Variants in PRDM1 observed in about 807,000 individuals in gnomAD.
PRDM1 encodes PR/SET domain 1.
PRDM1 carries 13 observed loss-of-function variants against 62.8 expected under a neutral mutation model. That is an observed-to-expected ratio of 0.21 (90% CI 0.13 to 0.33). The LOEUF (loss-of-function observed/expected upper bound fraction) is 0.33, where lower values mean the gene tolerates loss of function less well. PRDM1 is among the 10% of genes least tolerant of loss of function. PRDM1 has a pLI of 1.00. For missense variants in PRDM1, 895 were observed against 1,058.8 expected, an observed-to-expected ratio of 0.85 and a Z score of 2.15; for synonymous variants, 396 against 417.6, an observed-to-expected ratio of 0.95 and a Z score of 0.63.
chr6:106,031,701 G>A (rs1772846436), intron 1 of PRDM1, among the ~76,000 whole-genome samples: 1 of 152,210 alleles, frequency 6.6e-6, no homozygotes, highest in Non-Finnish European at 1.5e-5. Flanking sequence ...TTTTATCTGA[G>A]GCTTGGGCTA....
At chr6:106,080,404 CG>C (rs1049334862) in intron 1 of PRDM1, among the ~76,000 whole-genome samples, 3 of 152,188 alleles carry the variant, frequency 2.0e-5, no homozygotes, top group African/African-American at 7.2e-5. Flanking sequence ...TTCTGTTCCA[CG>C]CCCCCCACCG....
intron 1 of PRDM1, among the ~76,000 whole-genome samples, chr6:105,999,863 T>C (rs1034366788): frequency 1.3e-5 from 2 of 150,944 alleles, no homozygotes; most frequent in African/African-American, 2.4e-5. Flanking sequence ...TATGTGTTTC[T>C]TTTTTTTTGA....
intron 1 of PRDM1, among the ~76,000 whole-genome samples, chr6:106,014,058 A>ATTTTTTTTTTTTTTTTTTTTT (rs71006664): frequency 9.5e-6 from 1 of 105,102 alleles, no homozygotes; most frequent in Admixed American, 1.2e-4. Context: ...AGGACAAGGA[A>ATTTTTTTTTTTTTTTTTTTTT]TTTTTTTTTT....
chr6:106,007,781 CTTCT>C (rs1772500602), intron 1 of PRDM1, among the ~76,000 whole-genome samples: 1 of 152,098 alleles, frequency 6.6e-6, no homozygotes, highest in Non-Finnish European at 1.5e-5. Flanking sequence ...CACTGGTAGC[CTTCT>C]TTCTGTTTTC....
At chr6:106,006,145 C>T (rs902185197) in intron 1 of PRDM1, among the ~76,000 whole-genome samples, 4 of 152,166 alleles carry the variant, frequency 2.6e-5, no homozygotes, top group Non-Finnish European at 5.9e-5. Context: ...CTGGGGACAG[C>T]AGGAACTTGT....
At chr6:105,998,925 ATATATATATTTTTTTTTT>A (rs1392564679) in intron 1 of PRDM1, among the ~76,000 whole-genome samples, 3 of 2,018 alleles carry the variant, frequency 1.5e-3, no homozygotes, top group African/African-American at 7.2e-3. Context: ...ATATATATAT[ATATATATATTTTTTTTTT>A]TTTTTTTCTT....
chr6:106,089,730 C>G (rs955207542), intron 2 of PRDM1, among the ~76,000 whole-genome samples: 1 of 152,194 alleles, frequency 6.6e-6, no homozygotes, highest in Admixed American at 6.5e-5. Context: ...TAATGCTCTT[C>G]TTATAGAAAG....
upstream of PRDM1, among the ~76,000 whole-genome samples, chr6:106,085,812 G>A (rs1773786286): frequency 7.6e-6 from 1 of 131,592 alleles, no homozygotes; most frequent in Admixed American, 9.3e-5. Flanking sequence ...GTTCTGCCAA[G>A]TTTGAACGTT....
intron 1 of PRDM1, among the ~76,000 whole-genome samples, chr6:106,035,526 G>A (rs997087612): frequency 1.3e-5 from 2 of 152,162 alleles, no homozygotes; most frequent in African/African-American, 2.4e-5. Flanking sequence ...CTACTCAAGA[G>A]GCTGAGGTGG....
rs112078289 is a variant in PRDM1, at chr6:106,026,837, C to G, written c.-67+33198C>G. 4.6e-3 allele frequency among the ~76,000 whole-genome samples: 705 copies of G among 152,348 alleles called. 1 individual carries two copies. The highest frequency in any genetic ancestry group is 8.5e-3 in the Non-Finnish European group (580 of 68,036). On this transcript the variant is annotated intron_variant, in intron 1 of 6. Coordinates refer to the PRDM1 transcript ENST00000652320. ...TGGATGAGAAGAAGCAAGCAAAAAT[C>G]TCTCCAGCTGTGGGAGAACATGGAC...
intron 1 of PRDM1, among the ~76,000 whole-genome samples, chr6:106,062,569 C>T (rs990808458): frequency 6.6e-6 from 1 of 152,188 alleles, no homozygotes; most frequent in African/African-American, 2.4e-5. Flanking sequence ...CTGGCCCTTT[C>T]TAAGAGTGAA....
chr6:106,075,368 T>G (rs915729569), intron 1 of PRDM1, among the ~76,000 whole-genome samples: 1 of 152,208 alleles, frequency 6.6e-6, no homozygotes, highest in African/African-American at 2.4e-5. Context: ...TAGTTCTGAT[T>G]CTTAACTAAT....
intron 1 of PRDM1, among the ~76,000 whole-genome samples, chr6:106,022,170 T>G (rs964207178): frequency 6.6e-6 from 1 of 152,222 alleles, no homozygotes; most frequent in South Asian, 2.1e-4. Context: ...GAATTCGAAA[T>G]GTGAGATTCC....
chr6:106,040,990 T>C (rs1562150711), intron 1 of PRDM1, among the ~76,000 whole-genome samples: 1 of 152,206 alleles, frequency 6.6e-6, no homozygotes, highest in African/African-American at 2.4e-5. Context: ...CTTAGTTTAC[T>C]TTCCTATTTT....
chr6:106,071,686 A>C (rs1241944846), intron 1 of PRDM1, among the ~76,000 whole-genome samples: 1 of 152,132 alleles, frequency 6.6e-6, no homozygotes, highest in Non-Finnish European at 1.5e-5. Context: ...GTTCTTTGTT[A>C]ATCTCAGAGG....
intron 1 of PRDM1, among the ~76,000 whole-genome samples, chr6:106,070,754 G>A (rs1773498685): frequency 6.6e-6 from 1 of 152,044 alleles, no homozygotes; most frequent in Non-Finnish European, 1.5e-5. Context: ...TGGTAATATT[G>A]TTAATATTTG....
intron 3 of PRDM1, among the ~76,000 whole-genome samples, chr6:106,096,681 A>G (rs1247166235): frequency 6.6e-6 from 1 of 152,192 alleles, no homozygotes; most frequent in Non-Finnish European, 1.5e-5. Flanking sequence ...AGCCAGTACA[A>G]TTTCCTTTGC....
chr6:106,054,165 G>A (rs1052411655), intron 1 of PRDM1, among the ~76,000 whole-genome samples: 2 of 151,778 alleles, frequency 1.3e-5, no homozygotes, highest in African/African-American at 4.8e-5. Flanking sequence ...ATTGCAGCAG[G>A]GAAATAGAAA....
At chr6:106,037,730 T>C (rs1217841195) in intron 1 of PRDM1, among the ~76,000 whole-genome samples, 1 of 152,118 alleles carries the variant, frequency 6.6e-6, no homozygotes, top group Non-Finnish European at 1.5e-5. Context: ...TTTTTATTGC[T>C]GTTTCCATTC....
Sources: gnomAD v4.1 joint callset for allele counts (sites outside exome capture counted in the v4.1 genomes callset) on GRCh38, gnomAD v4.1.1 for gene constraint, MANE v1.5 for transcripts, NCBI Gene and HGNC (gene_info 2026-07-23, HGNC 2026-07-21) for gene names.